ERC2: variants seen among roughly 807,000 people sequenced by gnomAD.
The protein encoded by ERC2 is ERC protein 2.
ERC2 carries 42 observed loss-of-function variants against 114.8 expected under a neutral mutation model. That is an observed-to-expected ratio of 0.37 (90% CI 0.29 to 0.47). The LOEUF (loss-of-function observed/expected upper bound fraction) is 0.47, where lower values mean the gene tolerates loss of function less well. ERC2 is among the 20% of genes least tolerant of loss of function. The pLI is 0.99. For synonymous variants in ERC2, 454 were observed against 425.5 expected (o/e 1.07, Z -0.82); for missense variants, 939 against 1,150.7 (o/e 0.82, Z 2.66).
chr3:55,812,453 T>C (rs570418521), intron 14 of ERC2, among the ~76,000 whole-genome samples: 2 of 152,346 alleles, frequency 1.3e-5, no homozygotes, highest in South Asian at 4.1e-4. Flanking sequence ...CAAATACTTG[T>C]TGTGTATCCA....
intron 17 of ERC2, among the ~76,000 whole-genome samples, chr3:55,669,192 T>A (rs2061465731): frequency 6.6e-6 from 1 of 152,186 alleles, no homozygotes. Flanking sequence ...ACACACAAAG[T>A]CTCCTTAACC....
At chr3:55,809,650 G>C (rs1370237235) in intron 14 of ERC2, among the ~76,000 whole-genome samples, 1 of 152,084 alleles carries the variant, frequency 6.6e-6, no homozygotes, top group Non-Finnish European at 1.5e-5. Context: ...GAACATAAAA[G>C]GATATTCCCC....
chr3:56,167,661 T>G (rs2082393076), intron 4 of ERC2, among the ~76,000 whole-genome samples: 1 of 151,974 alleles, frequency 6.6e-6, no homozygotes, highest in South Asian at 2.1e-4. Flanking sequence ...TAGAGAAATT[T>G]CCCAAGAAAA....
At chr3:56,322,453 T>G (rs1161544957) in intron 2 of ERC2, among the ~76,000 whole-genome samples, 1 of 152,110 alleles carries the variant, frequency 6.6e-6, no homozygotes, top group Non-Finnish European at 1.5e-5. Context: ...GAGGTGAGGT[T>G]TATGAGTTCC....
chr3:55,769,131 G>A (rs72875449), intron 14 of ERC2, among the ~76,000 whole-genome samples: 81 of 152,218 alleles, frequency 5.3e-4, no homozygotes, highest in African/African-American at 1.9e-3. Context: ...GCCTCCGAAG[G>A]CTCCAGCATA....
chr3:55,641,293 T>C (rs1362624280), intron 17 of ERC2, among the ~76,000 whole-genome samples: 1 of 152,144 alleles, frequency 6.6e-6, no homozygotes, highest in Non-Finnish European at 1.5e-5. Flanking sequence ...CTCACGTCTG[T>C]AATGCCAGCA....
At chr3:56,388,566 T>C (rs1457007446) in intron 2 of ERC2, among the ~76,000 whole-genome samples, 1 of 152,156 alleles carries the variant, frequency 6.6e-6, no homozygotes, top group Non-Finnish European at 1.5e-5. Flanking sequence ...CTAACACAAA[T>C]GGCATCCAAG....
intron 3 of ERC2, among the ~76,000 whole-genome samples, chr3:56,214,156 G>T (rs925722167): frequency 1.3e-5 from 2 of 152,200 alleles, no homozygotes; most frequent in African/African-American, 4.8e-5. Context: ...TGACTTTGAC[G>T]AGTTGAGAGA....
At chr3:56,325,452 A>AT (rs1340786332) in intron 2 of ERC2, among the ~76,000 whole-genome samples, 1 of 152,106 alleles carries the variant, frequency 6.6e-6, no homozygotes, top group Non-Finnish European at 1.5e-5. Flanking sequence ...TCTCAAAAAA[A>AT]TAAAAAAAAA....
intron 14 of ERC2, among the ~76,000 whole-genome samples, chr3:55,875,635 A>G (rs914742711): frequency 2.0e-5 from 3 of 151,510 alleles, no homozygotes; most frequent in African/African-American, 4.9e-5. Context: ...AACACACCTC[A>G]TTCCCCAGGC....
chr3:56,357,709 A>G (rs895153054), intron 2 of ERC2, among the ~76,000 whole-genome samples: 1 of 151,070 alleles, frequency 6.6e-6, no homozygotes, highest in Non-Finnish European at 1.5e-5. Flanking sequence ...ATCAAGGGCC[A>G]TTGCAAAACG....
chr3:55,597,558 T>C (rs1259001592), intron 17 of ERC2, among the ~76,000 whole-genome samples: 2 of 152,226 alleles, frequency 1.3e-5, no homozygotes, highest in Non-Finnish European at 2.9e-5. Flanking sequence ...TCGGGTCACC[T>C]TAAGTCCGGT....
chr3:55,688,073 A>T (rs1313502715), intron 16 of ERC2, among the ~76,000 whole-genome samples: 1 of 152,206 alleles, frequency 6.6e-6, no homozygotes, highest in African/African-American at 2.4e-5. Context: ...GTATGGCTAT[A>T]AACTCTTACA....
intron 7 of ERC2, among the ~76,000 whole-genome samples, chr3:56,049,880 T>C (rs1208294613): frequency 6.7e-6 from 1 of 149,782 alleles, no homozygotes; most frequent in Non-Finnish European, 1.5e-5. Flanking sequence ...GGTTCTGTCC[T>C]TCTAGAGAAC....
At chr3:55,726,892 G>C (rs376690405) in intron 15 of ERC2, among the ~76,000 whole-genome samples, 1 of 152,264 alleles carries the variant, frequency 6.6e-6, no homozygotes, top group South Asian at 2.1e-4. Flanking sequence ...AGAAAACCAA[G>C]TACAATTTAT....
intron 12 of ERC2, 26 bp downstream of exon 12, chr3:55,985,951 T>A (rs903874112): frequency 2.6e-6 from 4 of 1,537,632 alleles, no homozygotes; most frequent in Non-Finnish European, 3.5e-6. Flanking sequence ...GGAAAGGCAG[T>A]TAGAAGAAAA....
chr3:55,822,303 T>C (rs2060155747), intron 14 of ERC2, among the ~76,000 whole-genome samples: 2 of 152,348 alleles, frequency 1.3e-5, no homozygotes, highest in South Asian at 4.1e-4. Context: ...TCCTCACTTA[T>C]TCTAAAAAGA....
chr3:56,093,280 A>G (rs1367125934), intron 6 of ERC2, among the ~76,000 whole-genome samples: 2 of 152,118 alleles, frequency 1.3e-5, no homozygotes, highest in East Asian at 1.9e-4. Flanking sequence ...CATGTAAATA[A>G]CTCTTATAAA....
intron 3 of ERC2, among the ~76,000 whole-genome samples, chr3:56,249,108 G>C (rs1346057309): frequency 1.3e-5 from 2 of 152,234 alleles, no homozygotes; most frequent in Non-Finnish European, 2.9e-5. Flanking sequence ...GTCTAGAGCT[G>C]AGAGCAAAAT....
Sources: allele counts gnomAD v4.1 joint callset (sites outside exome capture counted in the v4.1 genomes callset), GRCh38; gene constraint gnomAD v4.1.1; transcripts MANE v1.5; gene names NCBI Gene and HGNC (gene_info 2026-07-23, HGNC 2026-07-21).